The following YJU2 variants were observed in gnomAD, a reference collection of about 807,000 sequenced individuals.
The protein encoded by YJU2 is splicing factor YJU2.
YJU2 carries 28 observed loss-of-function variants against 39.6 expected under a neutral mutation model. That is an observed-to-expected ratio of 0.71 (90% CI 0.52 to 0.97). YJU2 has a LOEUF of 0.97. Among genes scored for constraint, YJU2 ranks in the 50% least tolerant of loss-of-function variants. The pLI is 0.00. For synonymous variants in YJU2, 184 were observed against 182.4 expected, an observed-to-expected ratio of 1.01 and a Z score of -0.07; for missense variants, 328 against 430.4, an observed-to-expected ratio of 0.76 and a Z score of 2.11.
Position 4,267,800 on chromosome 19 carries a change from G to A in YJU2, c.859+26G>A, listed in dbSNP as rs369663588. Reference sequence around the variant, plus strand: ...GTAAGGTCACAGAGTTCCCAGAGCCGGGCGCGGTTTCTATAGTGGCCTGTA... The same window carrying A: ...GTAAGGTCACAGAGTTCCCAGAGCCAGGCGCGGTTTCTATAGTGGCCTGTA... On this transcript the variant is annotated intron_variant, in intron 7 of 7. Coordinates refer to ENST00000262962, the MANE Select transcript of YJU2 (RefSeq NM_018074.6). 6.7e-5 allele frequency: 107 copies of A among 1,596,008 alleles called. No individual in the cohort carries two copies. The African/African-American group carries it at 9.1e-4, about 14-fold the overall frequency.
intron 6 of YJU2, among the ~76,000 whole-genome samples, chr19:4,264,241 G>T (rs535026873): frequency 3.6e-5 from 4 of 111,944 alleles, no homozygotes; most frequent in Admixed American, 2.5e-4. Context: ...CAGCCTGGGC[G>T]ACAGAGCGAG....
At chr19:4,255,727 CAAAAAAAAAA>C (rs58736061) in intron 4 of YJU2, among the ~76,000 whole-genome samples, 1 of 103,744 alleles carries the variant, frequency 9.6e-6, no homozygotes, top group Admixed American at 1.1e-4. Flanking sequence ...GATTCTGTGT[CAAAAAAAAAA>C]AAAAAAAAAA....
chr19:4,256,217 C>T (rs1971020069), intron 4 of YJU2, among the ~76,000 whole-genome samples: 2 of 147,916 alleles, frequency 1.4e-5, no homozygotes, highest in African/African-American at 2.5e-5. Context: ...TGTACACACA[C>T]ATATACATAT....
Position 4,247,580 on chromosome 19 carries a change from C to T in YJU2, c.24+410C>T, listed in dbSNP as rs867392084. Among the ~76,000 whole-genome samples, 31 of 46,242 alleles carry T rather than the reference C, an allele frequency of 6.7e-4. 6 individuals are homozygous for T. The highest frequency in any genetic ancestry group is 2.8e-3 in the African/African-American group (22 of 7,898). 30.3% of individuals were successfully genotyped at this position (46,242 alleles called of 152,430 possible). On this transcript the variant is annotated intron_variant, in intron 1 of 7. Transcript: ENST00000262962. ...CTTTGGGTGGGGTGGGGTGGGGTGG[C>T]GCGTGTGTGTGTGTGTGTGTGTGTG...
At chr19:4,257,016 G>A (rs1971027141) in intron 4 of YJU2, among the ~76,000 whole-genome samples, 1 of 152,136 alleles carries the variant, frequency 6.6e-6, no homozygotes, top group South Asian at 2.1e-4. Flanking sequence ...CAGAGAGTTT[G>A]TGGACATACT....
chr19:4,249,149 C>T lies in YJU2; in HGVS notation c.25-79C>T, dbSNP rs1018807561. On this transcript the variant is annotated intron_variant, in intron 1 of 7. Transcript: ENST00000262962. Reference sequence around the variant, plus strand: ...GGCTTGGGGACCCCCGACACAGCTCCCCAGAGCCCCTTCCCTCTGCCATGT... The same window carrying T: ...GGCTTGGGGACCCCCGACACAGCTCTCCAGAGCCCCTTCCCTCTGCCATGT... The T allele has an allele frequency of 9.5e-5, 94 of 988,186 alleles. 1 individual carries two copies. The Admixed American group carries it at 2.0e-3, about 21-fold the overall frequency. 61.2% of individuals were successfully genotyped at this position (988,186 alleles called of 1,614,324 possible).
chr19:4,253,793 G>A (rs1479708782), intron 3 of YJU2, among the ~76,000 whole-genome samples: 4 of 151,734 alleles, frequency 2.6e-5, no homozygotes, highest in African/African-American at 4.8e-5. Context: ...AAATACAAAG[G>A]GCAGAAATCA....
In YJU2 at chr19:4,268,734, G is replaced by A. The variant is rs200271639; in HGVS notation, c.*38G>A. 136 of 1,451,060 alleles carry A rather than the reference G, an allele frequency of 9.4e-5. No individual in the cohort carries two copies. The Middle Eastern group carries it at 1.0e-3, about 11-fold the overall frequency. 89.9% of individuals were successfully genotyped at this position (1,451,060 alleles called of 1,614,324 possible). On this transcript the variant is annotated 3_prime_UTR_variant, in exon 8 of 8. Coordinates refer to ENST00000262962, the MANE Select transcript of YJU2 (RefSeq NM_018074.6). ...CCCCCTCACGGGGTCAAAGTCACAC[G>A]TCCAGCTTCAGCCACATTGAGGCCA... is the stretch of plus-strand genomic sequence containing the variant.
intron 5 of YJU2, among the ~76,000 whole-genome samples, chr19:4,260,988 T>G (rs933362262): frequency 2.7e-5 from 4 of 149,654 alleles, no homozygotes; most frequent in Admixed American, 6.7e-5. Context: ...GTATTGAAGG[T>G]CGAGTAGGAG....
chr19:4,256,181 A>AATATAT (rs1555725229), intron 4 of YJU2, among the ~76,000 whole-genome samples: 100 of 125,872 alleles, frequency 7.9e-4, no homozygotes, highest in African/African-American at 2.0e-3. Context: ...AAAAAAAAAA[A>AATATAT]ATATATATAT....
chr19:4,247,604 T>C (rs1311588836), intron 1 of YJU2, among the ~76,000 whole-genome samples: 128 of 6,770 alleles, frequency 0.019, 14 homozygotes, highest in East Asian at 0.038. Context: ...TGTGTGTGTG[T>C]GTGTGTGTGT....
Position 4,258,319 on chromosome 19 carries a change from C to T in YJU2, c.483C>T (p.Asn161=). The T allele has an allele frequency of 3.8e-6, 6 of 1,577,958 alleles. No homozygotes were observed. Among genetic ancestry groups the T allele is most frequent in the Non-Finnish European group, 5.2e-6 (6 of 1,162,358 alleles). ...LENLQELKDL[N]QRQAHVDFEA... ...ACCTCCAGGAGCTGAAAGACCTGAA[C>T]CAGCGGCAGGCGCACGTGGACTTCG... Residue 161 remains asparagine, a synonymous_variant, in exon 5 of 8, where the codon AAC becomes AAT. Transcript: ENST00000262962.
Position 4,254,058 on chromosome 19 carries a change from C to T in YJU2, c.271-297C>T, listed in dbSNP as rs188294444. ...TACCTGACCTCCAGTGATCCACCTG[C>T]CTCATTGGAGAGTTTGTTTGCAGTC... On this transcript the variant is annotated intron_variant, in intron 3 of 7. Coordinates refer to ENST00000262962, the MANE Select transcript of YJU2 (RefSeq NM_018074.6). Among the ~76,000 whole-genome samples the T allele has an allele frequency of 2.2e-4, 33 of 152,196 alleles. No individual in the cohort carries two copies. In the East Asian group the frequency reaches 6.2e-3, roughly 28 times the overall value.
At chr19:4,260,775 A>G (rs1971064661) in intron 5 of YJU2, among the ~76,000 whole-genome samples, 2 of 151,852 alleles carry the variant, frequency 1.3e-5, no homozygotes, top group African/African-American at 4.8e-5. Context: ...AATCTGTTTT[A>G]TGTTTAAATA....
chr19:4,251,033 G>T lies in YJU2; in HGVS notation c.132G>T (p.Lys44Asn). Residue 44 changes from lysine to asparagine, a missense_variant, in exon 3 of 8, where the codon AAG (lysine) becomes AAT (asparagine). Coordinates refer to ENST00000262962, the MANE Select transcript of YJU2 (RefSeq NM_018074.6). ...CCTACATGCTGCCCCGCAGGTGTAA[G>T]ACGTGCGGAGAATACATCTACAAGG... ...RLMAPFNMRC[K>N]TCGEYIYKGK... 6.2e-7 allele frequency: 1 copy of T among 1,614,148 alleles called. No individual in the cohort carries two copies. The highest frequency in any genetic ancestry group is 8.5e-7 in the Non-Finnish European group (1 of 1,180,008).
intron 4 of YJU2, among the ~76,000 whole-genome samples, chr19:4,256,181 A>AAAAAATAT (rs1001505791): frequency 2.4e-5 from 3 of 125,898 alleles, no homozygotes; most frequent in African/African-American, 9.3e-5. Flanking sequence ...AAAAAAAAAA[A>AAAAAATAT]ATATATATAT....
At chr19:4,257,960 C>G (rs1971035393) in intron 4 of YJU2, among the ~76,000 whole-genome samples, 1 of 152,222 alleles carries the variant, frequency 6.6e-6, no homozygotes, top group South Asian at 2.1e-4. Context: ...TCCAGGCCAC[C>G]TGGGTCCAGA....
At position 4,251,188 on chromosome 19, in the gene YJU2, G is replaced by A. The variant is rs1019623152; in HGVS notation, c.270+17G>A. 3.1e-6 allele frequency: 5 copies of A among 1,610,108 alleles called. No individual in the cohort carries two copies. The Admixed American group carries it at 5.0e-5, about 16-fold the overall frequency. ...ACCTTCAAGGTAGGTGAGACGGCCG[G>A]CCAGGCCGGTCCCTCTCCCCCAGCA... On this transcript the variant is annotated intron_variant, in intron 3 of 7. Transcript: ENST00000262962.
intron 1 of YJU2, chr19:4,247,404 T>C: frequency 4.1e-6 from 2 of 484,852 alleles, no homozygotes; most frequent in Non-Finnish European, 7.3e-6. Flanking sequence ...CTGCGGGGCG[T>C]GGCTTGGGCT....
Sources: gnomAD v4.1 joint callset for allele counts (sites outside exome capture counted in the v4.1 genomes callset) on GRCh38, gnomAD v4.1.1 for gene constraint, MANE v1.5 for transcripts, NCBI Gene and HGNC (gene_info 2026-07-23, HGNC 2026-07-21) for gene names.